The following TBX4 variants were observed in gnomAD, a reference collection of about 807,000 sequenced individuals.
The protein encoded by TBX4 is T-box transcription factor 4.
TBX4 carries 13 observed loss-of-function variants against 54.6 expected under a neutral mutation model. The ratio of observed to expected loss-of-function variants is 0.24; its 90% CI spans 0.15 to 0.38. TBX4 has a LOEUF of 0.38. Ranked by LOEUF, TBX4 falls within the 10% of genes least tolerant of loss-of-function variation. The pLI, the probability that TBX4 is intolerant of heterozygous loss-of-function variation, is 1.00. For synonymous variants in TBX4, 314 were observed against 306.7 expected (o/e 1.02, Z -0.25); for missense variants, 631 against 728.5 (o/e 0.87, Z 1.54).
Position 61,472,855 on chromosome 17 carries a change from C to T in TBX4, c.549+5198C>T, listed in dbSNP as rs1244204900. Among the ~76,000 whole-genome samples, 1 of 151,636 alleles carries T rather than the reference C, an allele frequency of 6.6e-6. No homozygotes were observed. Among genetic ancestry groups the T allele is most frequent in the African/African-American group, 2.4e-5 (1 of 41,222 alleles). On this transcript the variant is annotated intron_variant, in intron 5 of 8. Transcript: ENST00000644296. This position sits in a 1 kb window ranked among gnomAD's most constrained non-coding sequence, Gnocchi z 4.5. Reference sequence around the variant, plus strand: ...ATCACTAATTGAGTTGTCCCCTTTCCTCCCCTGGTTGAGGTGCCTTATTTC... The same window carrying T: ...ATCACTAATTGAGTTGTCCCCTTTCTTCCCCTGGTTGAGGTGCCTTATTTC...
chr17:61,467,405 C>A, intron 4 of TBX4, 105 bp from the exon 5 acceptor site: 1 of 1,338,596 alleles, frequency 7.5e-7, no homozygotes, highest in Non-Finnish European at 1.1e-6. Flanking sequence ...GGACCAGCAG[C>A]TATTTTTTCC....
intron 3 of TBX4, chr17:61,463,189 C>T (rs1282228896): frequency 6.6e-6 from 1 of 152,408 alleles, no homozygotes; most frequent in Non-Finnish European, 1.5e-5. Context: ...CCAACTAGAC[C>T]CTGCCAAGAC....
chr17:61,483,088 G>C lies in TBX4; in HGVS notation c.1213G>C (p.Val405Leu). 1 of 1,614,122 alleles carries C rather than the reference G, an allele frequency of 6.2e-7. No homozygotes were observed. Among genetic ancestry groups the C allele is most frequent in the Admixed American group, 1.7e-5 (1 of 60,018 alleles). Residue 405 changes from valine (V) to leucine (L), a missense_variant, in exon 9 of 9, where the codon GTG (valine) becomes CTG (leucine). By Grantham distance (32) the Val-to-Leu change is conservative. Transcript: ENST00000644296. The surrounding 1 kb of genome is among the most constrained non-coding windows in gnomAD (Gnocchi z 6.6). ...AGGTTCAGGGCCCGAGATTGCCGGG[G>C]TGTCTGGGGTGGACGACCTGCCCCC... ...YSGSGPEIAG[V>L]SGVDDLPPPP...
rs985946136 is a variant in TBX4, at chr17:61,462,250, T to C, written c.282-3569T>C. ...CCGCACCCTTTCAGAGCCTGTTTCA[T>C]GATCAGAGGAGAAGCCCCGGGCTTT... On this transcript the variant is annotated intron_variant, in intron 3 of 8. Transcript: ENST00000644296. This position sits in a 1 kb window ranked among gnomAD's most constrained non-coding sequence, Gnocchi z 4.5. Among the ~76,000 whole-genome samples the C allele has an allele frequency of 2.0e-5, 3 of 152,106 alleles. No homozygotes were observed. The highest frequency in any genetic ancestry group is 6.5e-5 in the Admixed American group (1 of 15,282).
intron 2 of TBX4, 86 bp downstream of exon 2, chr17:61,456,762 G>T: frequency 9.1e-7 from 1 of 1,097,120 alleles, no homozygotes; most frequent in Non-Finnish European, 1.2e-6. Context: ...CCGATTGTCG[G>T]CAGGACTCGC....
Position 61,456,520 on chromosome 17 carries a change from C to T in TBX4, c.30C>T (p.Ser10=). 6.4e-7 allele frequency: 1 copy of T among 1,567,044 alleles called. No individual in the cohort carries two copies. The highest frequency in any genetic ancestry group is 8.6e-7 in the Non-Finnish European group (1 of 1,156,570). MLQDKGLSE[S]EEAFRAPGPA... ...TGCAGGATAAGGGCCTGTCCGAGAG[C>T]GAGGAGGCCTTCCGGGCCCCGGGCC... The change falls in exon 2 of 9, where the codon AGC becomes AGT. Residue 10 remains serine, a synonymous_variant. Coordinates refer to ENST00000644296, the MANE Select transcript of TBX4 (RefSeq NM_001321120.2).
Position 61,478,237 on chromosome 17 carries a change from A to G in TBX4, c.550-390A>G. ...AGAGAAGCCCAGTGACTTGTCTGAG[A>G]TCAAACAGTGACTCGGTGGCACCCT... On this transcript the variant is annotated intron_variant, in intron 5 of 8. Coordinates refer to ENST00000644296, the MANE Select transcript of TBX4 (RefSeq NM_001321120.2). This position sits in a 1 kb window ranked among gnomAD's most constrained non-coding sequence, Gnocchi z 7.4. 3.2e-6 allele frequency: 1 copy of G among 312,492 alleles called. No homozygotes were observed. Among genetic ancestry groups the G allele is most frequent in the South Asian group, 3.1e-5 (1 of 32,204 alleles). 19.4% of individuals were successfully genotyped at this position (312,492 alleles called of 1,614,324 possible). A position where few individuals can be genotyped will look rare whatever the true frequency, so the allele number is the denominator to read the frequency against.
rs150677084 is a variant in TBX4 at position 61,474,840 on chromosome 17, G to A, written c.550-3787G>A. On this transcript the variant is annotated intron_variant, in intron 5 of 8. Coordinates refer to ENST00000644296, the MANE Select transcript of TBX4 (RefSeq NM_001321120.2). This position sits in a 1 kb window ranked among gnomAD's most constrained non-coding sequence, Gnocchi z 4.6. ...CACTGAGTTGGTTTCACATTCTCCC[G>A]GCTGATGGGACTAAGGCTCAAGTTT... Among the ~76,000 whole-genome samples the A allele has an allele frequency of 3.4e-3, 513 of 152,270 alleles. 3 individuals carry two copies. The highest frequency in any genetic ancestry group is 0.01 in the African/African-American group (424 of 41,546).
chr17:61,456,417 C>T lies in TBX4; in HGVS notation c.-3-71C>T, dbSNP rs1377095331. On this transcript the variant is annotated intron_variant, in intron 1 of 8. Transcript: ENST00000644296. ...GCCCCGCACGAAGTCCCGGAATCGG[C>T]TGGAGAGGGCCAGGGGTCCTCTGGC... The T allele has an allele frequency of 1.7e-5, 26 of 1,532,512 alleles. No individual in the cohort carries two copies. In the South Asian group the frequency reaches 2.8e-4, roughly 16 times the overall value. 94.9% of individuals were successfully genotyped at this position (1,532,512 alleles called of 1,614,324 possible).
rs1057096239 is a variant in TBX4 at position 61,456,641 on chromosome 17, G to C, written c.151G>C (p.Gly51Arg). Reference sequence around the variant, plus strand: ...CGCGCTAGGCAGCCCCCCGGGACCCGGGGCCGACGTCGTCGCCGCCGCCGC... The same window carrying C: ...CGCGCTAGGCAGCCCCCCGGGACCCCGGGCCGACGTCGTCGCCGCCGCCGC... Reference protein sequence around the residue: ...GAALGSPPGPGADVVAAAAAE... With the variant: ...GAALGSPPGPRADVVAAAAAE... Residue 51 changes from glycine to arginine, a missense_variant, in exon 2 of 9, where the codon GGG becomes CGG. Gly to Arg is a moderately radical substitution (Grantham distance 125, BLOSUM62 -2). Coordinates refer to ENST00000644296, the MANE Select transcript of TBX4 (RefSeq NM_001321120.2). 12 of 1,349,182 alleles carry C rather than the reference G, an allele frequency of 8.9e-6. No individual in the cohort carries two copies. Among genetic ancestry groups the C allele is most frequent in the African/African-American group, 3.1e-5 (2 of 65,414 alleles). 83.6% of individuals were successfully genotyped at this position (1,349,182 alleles called of 1,614,324 possible).
chr17:61,457,679 G>A lies in TBX4; in HGVS notation c.281+48G>A. On this transcript the variant is annotated intron_variant, in intron 3 of 8. Transcript: ENST00000644296. The surrounding 1 kb of genome is among the most constrained non-coding windows in gnomAD (Gnocchi z 8.2). ...CCGGGGATGGCGGTGGGGAGCAAGGGGGGCCAGGGAGGTCCCTTAGAAGTC... is the reference window on the plus strand; with the variant it reads ...CCGGGGATGGCGGTGGGGAGCAAGGAGGGCCAGGGAGGTCCCTTAGAAGTC... 1 of 1,586,270 alleles carries A rather than the reference G, an allele frequency of 6.3e-7. No individual in the cohort carries two copies. The highest frequency in any genetic ancestry group is 8.6e-7 in the Non-Finnish European group (1 of 1,156,558).
rs2060525596 is a variant in TBX4, at chr17:61,465,168, T to C, written c.282-651T>C. The stretch of plus-strand genomic sequence containing the variant: ...GGCTCCTGGACCGACTTTCCCCTGA[T>C]ACTCAGGGTGCACAGGTCCAGGTGA... On this transcript the variant is annotated intron_variant, in intron 3 of 8. Coordinates refer to ENST00000644296, the MANE Select transcript of TBX4 (RefSeq NM_001321120.2). This position sits in a 1 kb window ranked among gnomAD's most constrained non-coding sequence, Gnocchi z 4.9. Among the ~76,000 whole-genome samples, 1 of 152,146 alleles carries C rather than the reference T, an allele frequency of 6.6e-6. No homozygotes were observed. The highest frequency in any genetic ancestry group is 2.1e-4 in the South Asian group (1 of 4,828).
intron 5 of TBX4, among the ~76,000 whole-genome samples, chr17:61,469,890 G>A (rs184618931): frequency 2.6e-5 from 4 of 152,304 alleles, no homozygotes; most frequent in Admixed American, 1.3e-4. Context: ...GAAAAGCCAC[G>A]TTGTATTGGG....
rs781174408 is a variant in TBX4, at chr17:61,483,440, CCTT to C, written c.1568_1570del (p.Phe523del). 4 of 1,614,092 alleles carry C rather than the reference CCTT, an allele frequency of 2.5e-6. No homozygotes were observed. The highest frequency in any genetic ancestry group is 2.2e-5 in the South Asian group (2 of 91,086). ...GCCAATGAGTTTCTCTACTCTCAAA[CCTT>C]CTCCTTGTCCCGAGAATCTTCCTTA... On this transcript the variant is annotated inframe_deletion, in exon 9 of 9. Coordinates refer to ENST00000644296, the MANE Select transcript of TBX4 (RefSeq NM_001321120.2). This position sits in a 1 kb window ranked among gnomAD's most constrained non-coding sequence, Gnocchi z 6.6.
Position 61,464,429 on chromosome 17 carries a change from G to C in TBX4, c.282-1390G>C, listed in dbSNP as rs1161705794. ...CTGTCCAGGTAAGCTGGTGCCCCTG[G>C]TGACAAAATAGGGGCCTCTGATCAG... On this transcript the variant is annotated intron_variant, in intron 3 of 8. Coordinates refer to ENST00000644296, the MANE Select transcript of TBX4 (RefSeq NM_001321120.2). This position sits in a 1 kb window ranked among gnomAD's most constrained non-coding sequence, Gnocchi z 5.8. 1 of 152,314 alleles carries C rather than the reference G, an allele frequency of 6.6e-6. No individual in the cohort carries two copies. The highest frequency in any genetic ancestry group is 6.5e-5 in the Admixed American group (1 of 15,288). 9.4% of individuals were successfully genotyped at this position (152,314 alleles called of 1,614,324 possible).
At position 61,480,029 on chromosome 17, in the gene TBX4, T is replaced by A; in HGVS notation, c.791+60T>A. ...ATGGGATTCAGGCACGTGGCCTCTG[T>A]GACCCTCGATGTATCTTCACTCTCT... On this transcript the variant is annotated intron_variant, in intron 7 of 8. Transcript: ENST00000644296. The surrounding 1 kb of genome is among the most constrained non-coding windows in gnomAD (Gnocchi z 6.2). 6.2e-7 allele frequency: 1 copy of A among 1,612,132 alleles called. No homozygotes were observed. The highest frequency in any genetic ancestry group is 8.5e-7 in the Non-Finnish European group (1 of 1,178,258).
At chr17:61,455,651 G>C (rs1482714323) in intron 1 of TBX4, among the ~76,000 whole-genome samples, 2 of 152,238 alleles carry the variant, frequency 1.3e-5, no homozygotes, top group Admixed American at 6.5e-5. Context: ...TCACTGGGAA[G>C]GGTGTGGGTC....
In TBX4 at chr17:61,459,007, C is replaced by T. The variant is rs978540531; in HGVS notation, c.281+1376C>T. ...GGGTGGAGGTCTGGGCACTTGGCCACCCTCAGGCCTTAGCCAGGGAGGTGG... is the reference window on the plus strand; with the variant it reads ...GGGTGGAGGTCTGGGCACTTGGCCATCCTCAGGCCTTAGCCAGGGAGGTGG... On this transcript the variant is annotated intron_variant, in intron 3 of 8. Coordinates refer to ENST00000644296, the MANE Select transcript of TBX4 (RefSeq NM_001321120.2). This position sits in a 1 kb window ranked among gnomAD's most constrained non-coding sequence, Gnocchi z 4.8. Among the ~76,000 whole-genome samples the T allele has an allele frequency of 6.6e-6, 1 of 152,248 alleles. No individual in the cohort carries two copies. The highest frequency in any genetic ancestry group is 1.5e-5 in the Non-Finnish European group (1 of 68,054).
At chr17:61,453,024 G>T in intron 1 of TBX4, 3 of 976,578 alleles carry the variant, frequency 3.1e-6, no homozygotes, top group Non-Finnish European at 3.7e-6. Context: ...AGCCTTTGAT[G>T]CAATAGACTA....
Sources: gnomAD v4.1 joint callset for allele counts (sites outside exome capture counted in the v4.1 genomes callset) on GRCh38, gnomAD v4.1.1 for gene constraint, Gnocchi (gnomAD v3.1) non-coding constraint, MANE v1.5 for transcripts, NCBI Gene and HGNC (gene_info 2026-07-23, HGNC 2026-07-21) for gene names.